Variants in CLVS2 observed in about 807,000 individuals in gnomAD.
CLVS2 encodes the protein clavesin-2.
Under a neutral mutation model 29.0 loss-of-function variants are expected in CLVS2, and 19 were observed. The ratio of observed to expected loss-of-function variants is 0.66; its 90% confidence interval spans 0.46 to 0.96. CLVS2 has a LOEUF of 0.96. Among genes scored for constraint, CLVS2 ranks in the 40% least tolerant of loss-of-function variants. CLVS2 has a pLI of 0.00. For synonymous variants in CLVS2, 161 were observed against 151.3 expected, an observed-to-expected ratio of 1.06 and a Z score of -0.47; for missense variants, 294 against 404.1, an observed-to-expected ratio of 0.73 and a Z score of 2.34.
At chr6:123,017,664 G>C (rs1478907927) in intron 3 of CLVS2, among the ~76,000 whole-genome samples, 1 of 152,076 alleles carries the variant, frequency 6.6e-6, no homozygotes, top group African/African-American at 2.4e-5. Context: ...GTAGGACGTT[G>C]TAAGTCTTTC....
chr6:123,048,000 A>AT (rs1772542113), intron 3 of CLVS2, among the ~76,000 whole-genome samples: 1 of 152,092 alleles, frequency 6.6e-6, no homozygotes, highest in South Asian at 2.1e-4. Context: ...GAGAGATTCG[A>AT]TTTTCATTTA....
At chr6:123,010,956 C>A (rs754741493) in intron 2 of CLVS2, 29 bp from the exon 3 acceptor site, 4 of 1,384,528 alleles carry the variant, frequency 2.9e-6, no homozygotes, top group African/African-American at 3.0e-5. Context: ...GTTGTCAGAC[C>A]TAATTTAGTA....
At chr6:123,058,258 G>A (rs1772724003) in intron 5 of CLVS2, among the ~76,000 whole-genome samples, 1 of 152,124 alleles carries the variant, frequency 6.6e-6, no homozygotes, top group Admixed American at 6.5e-5. Flanking sequence ...TGCATGAGAT[G>A]TGGAGTCTTT....
rs919503975 is a variant in CLVS2, at chr6:123,065,268, G to T, written c.*1507G>T. ...ATCACCCATAATAAATTTTGAGATT[G>T]AGAGTTTACCATTAAAGTATTCTTT... On this transcript the variant is annotated 3_prime_UTR_variant, in exon 6 of 6. Transcript: ENST00000275162. 7 of 151,726 alleles carry T rather than the reference G, an allele frequency of 4.6e-5. No homozygotes were observed. Among genetic ancestry groups the T allele is most frequent in the African/African-American group, 1.7e-4 (7 of 41,360 alleles). The allele number at this position is 151,726 out of a possible 1,614,324, so 9.4% of individuals were successfully genotyped here.
intron 2 of CLVS2, among the ~76,000 whole-genome samples, chr6:123,003,313 T>G (rs959427161): frequency 6.6e-6 from 1 of 152,172 alleles, no homozygotes; most frequent in Non-Finnish European, 1.5e-5. Context: ...AAAGGATGCC[T>G]CAAAAGAAAT....
chr6:123,009,083 A>G (rs1205944387), intron 2 of CLVS2, among the ~76,000 whole-genome samples: 2 of 152,092 alleles, frequency 1.3e-5, no homozygotes, highest in Non-Finnish European at 2.9e-5. Context: ...GTGTATTCCA[A>G]CCAACATTTA....
intron 3 of CLVS2, among the ~76,000 whole-genome samples, chr6:123,033,871 G>GA (rs1385057098): frequency 6.6e-6 from 1 of 151,880 alleles, no homozygotes; most frequent in East Asian, 1.9e-4. Flanking sequence ...ATTCAACAGT[G>GA]AAAAAACAAT....
At chr6:123,010,951 C>T in intron 2 of CLVS2, 34 bp from the exon 3 acceptor site, 1 of 1,359,248 alleles carries the variant, frequency 7.4e-7, no homozygotes, top group Non-Finnish European at 9.7e-7. Flanking sequence ...AAGTGGTTGT[C>T]AGACCTAATT....
Position 123,063,697 on chromosome 6 carries a change from C to G in CLVS2, c.920C>G (p.Thr307Arg). 6.2e-7 allele frequency: 1 copy of G among 1,611,090 alleles called. No individual in the cohort carries two copies. The highest frequency in any genetic ancestry group is 2.2e-5 in the East Asian group (1 of 44,824). ...AGATCTCAATCAGTAGTGGATCCTA[C>G]AGTACTAAAACGCATGGATAAAAAT... is the stretch of plus-strand genomic sequence containing the variant. ...MKRSQSVVDP[T>R]VLKRMDKNEE... is the part of the protein sequence containing the mutation. Residue 307 changes from threonine (T) to arginine (R), a missense_variant, in exon 6 of 6, where the codon ACA (threonine) becomes AGA (arginine). This residue lies in a region of CLVS2 where 82 missense variants were observed against 67.8 expected (regional missense o/e 1.21). Transcript: ENST00000275162.
chr6:123,064,885 T>G lies in CLVS2; in HGVS notation c.*1124T>G, dbSNP rs1772830443. On this transcript the variant is annotated 3_prime_UTR_variant, in exon 6 of 6. Transcript: ENST00000275162. ...TATTTAAAGGAATTCCAAGTTAATTTATAATGCAATCTTACATATGTGCCA... is the reference window on the plus strand; with the variant it reads ...TATTTAAAGGAATTCCAAGTTAATTGATAATGCAATCTTACATATGTGCCA... 2 of 151,884 alleles carry G rather than the reference T, an allele frequency of 1.3e-5. No homozygotes were observed. Among genetic ancestry groups the G allele is most frequent in the African/African-American group, 4.8e-5 (2 of 41,420 alleles). The allele number at this position is 151,884 out of a possible 1,614,324, so 9.4% of individuals were successfully genotyped here.
At chr6:123,015,944 T>A (rs1287422940) in intron 3 of CLVS2, among the ~76,000 whole-genome samples, 1 of 151,200 alleles carries the variant, frequency 6.6e-6, no homozygotes, top group African/African-American at 2.4e-5. Flanking sequence ...AATCTTCAAA[T>A]GTTTTCAAAT....
At chr6:123,059,189 G>A (rs1470983880) in intron 5 of CLVS2, among the ~76,000 whole-genome samples, 1 of 152,042 alleles carries the variant, frequency 6.6e-6, no homozygotes, top group Non-Finnish European at 1.5e-5. Context: ...CCAATCAAAG[G>A]TCAGCTCCTC....
Position 123,065,637 on chromosome 6 carries a change from T to C in CLVS2, c.*1876T>C, listed in dbSNP as rs572477109. 6.6e-6 allele frequency: 1 copy of C among 152,004 alleles called. No individual in the cohort carries two copies. Among genetic ancestry groups the C allele is most frequent in the Non-Finnish European group, 1.5e-5 (1 of 67,806 alleles). 9.4% of individuals were successfully genotyped at this position (152,004 alleles called of 1,614,324 possible). ...GCAGTTCTTACCTTTATAAGAATTC[T>C]AACCATTGATATTCTTACATTCTTG... On this transcript the variant is annotated 3_prime_UTR_variant, in exon 6 of 6. Coordinates refer to ENST00000275162, the MANE Select transcript of CLVS2 (RefSeq NM_001010852.4).
chr6:123,007,221 C>A (rs910565991), intron 2 of CLVS2, among the ~76,000 whole-genome samples: 1 of 152,144 alleles, frequency 6.6e-6, no homozygotes. Context: ...TAGAAGTTAA[C>A]ATTTATTGTT....
At chr6:123,016,669 A>C (rs114916454) in intron 3 of CLVS2, among the ~76,000 whole-genome samples, 3,664 of 152,224 alleles carry the variant, frequency 0.024, 59 homozygotes, top group African/African-American at 0.047. Context: ...GAATTGCTAC[A>C]TAAGACTCAG....
chr6:123,049,531 A>C (rs1170965625), intron 4 of CLVS2, among the ~76,000 whole-genome samples: 1 of 152,184 alleles, frequency 6.6e-6, no homozygotes, highest in Non-Finnish European at 1.5e-5. Flanking sequence ...ACTCACATAC[A>C]CAGAAGAAAA....
intron 2 of CLVS2, among the ~76,000 whole-genome samples, chr6:123,006,659 G>T (rs568258386): frequency 6.6e-6 from 1 of 152,138 alleles, no homozygotes; most frequent in Non-Finnish European, 1.5e-5. Flanking sequence ...ATTAATGTAC[G>T]CAATCCCAGA....
Position 123,068,388 on chromosome 6 carries a change from G to T in CLVS2, c.*4627G>T, listed in dbSNP as rs1292930445. On this transcript the variant is annotated 3_prime_UTR_variant, in exon 6 of 6. Coordinates refer to ENST00000275162, the MANE Select transcript of CLVS2 (RefSeq NM_001010852.4). ...GTCCTTGATATAGTGCATTTATTCT[G>T]TAAGACTTATTTTACCTGGTGAACG... 6.6e-6 allele frequency: 1 copy of T among 151,542 alleles called. No homozygotes were observed. The highest frequency in any genetic ancestry group is 1.9e-4 in the East Asian group (1 of 5,168). 9.4% of individuals were successfully genotyped at this position (151,542 alleles called of 1,614,324 possible).
chr6:123,009,183 C>G (rs1774714681), intron 2 of CLVS2, among the ~76,000 whole-genome samples: 1 of 152,004 alleles, frequency 6.6e-6, no homozygotes, highest in Non-Finnish European at 1.5e-5. Flanking sequence ...GTGCTGCCCT[C>G]AGTCCTCCCC....
Sources: allele counts gnomAD v4.1 joint callset (sites outside exome capture counted in the v4.1 genomes callset), GRCh38; gene constraint gnomAD v4.1.1; regional missense constraint gnomAD v4.1.1; transcripts MANE v1.5; gene names NCBI Gene and HGNC (gene_info 2026-07-23, HGNC 2026-07-21).